Variants in STPG2 observed in about 807,000 individuals in gnomAD.
STPG2 encodes the protein sperm tail PG-rich repeat containing 2.
A neutral mutation model predicts 54.2 loss-of-function variants in STPG2; 56 were observed. The observed-to-expected ratio is 1.03, with a 90% CI of 0.83 to 1.29. The LOEUF (loss-of-function observed/expected upper bound fraction) is 1.29, where lower values mean the gene tolerates loss of function less well. Among genes scored for constraint, STPG2 ranks in the 50% most tolerant of loss-of-function variants. The pLI, the probability that STPG2 is intolerant of heterozygous loss-of-function variation, is 0.00. For synonymous variants in STPG2, 200 were observed against 181.8 expected (o/e 1.10, Z -0.81); for missense variants, 596 against 544.9 (o/e 1.09, Z -0.93).
At chr4:97,695,071 T>C (rs901236275) in intron 10 of STPG2, among the ~76,000 whole-genome samples, 1 of 130,352 alleles carries the variant, frequency 7.7e-6, no homozygotes, top group African/African-American at 2.7e-5. Flanking sequence ...CTGATGAAAA[T>C]AGATGCAAAA....
At chr4:97,965,142 C>T (rs1734047159) in intron 7 of STPG2, among the ~76,000 whole-genome samples, 1 of 152,224 alleles carries the variant, frequency 6.6e-6, no homozygotes, top group Admixed American at 6.5e-5. Flanking sequence ...AGCCCAAATA[C>T]TGTGCTTTTC....
At chr4:98,076,287 C>T (rs1044068628) in intron 5 of STPG2, among the ~76,000 whole-genome samples, 12 of 151,296 alleles carry the variant, frequency 7.9e-5, no homozygotes, top group African/African-American at 2.2e-4. Flanking sequence ...GAACCATCCA[C>T]GTAATCCAAT....
intron 10 of STPG2, among the ~76,000 whole-genome samples, chr4:97,625,551 G>A (rs1734117657): frequency 6.6e-6 from 1 of 152,108 alleles, no homozygotes; most frequent in South Asian, 2.1e-4. Flanking sequence ...CTGACCTCGG[G>A]ATCCGCCTGC....
chr4:97,847,449 T>C (rs1408431753), intron 8 of STPG2, among the ~76,000 whole-genome samples: 1 of 152,158 alleles, frequency 6.6e-6, no homozygotes, highest in African/African-American at 2.4e-5. Flanking sequence ...ATACTGACTT[T>C]ATTTCCATCT....
rs190744837 is a variant in STPG2 at position 97,587,891 on chromosome 4, C to T, written c.1321-28774G>A. Among the ~76,000 whole-genome samples the T allele has an allele frequency of 2.3e-3, 350 of 152,122 alleles. 3 individuals are homozygous for T. The Middle Eastern group carries it at 0.034, about 15-fold the overall frequency. On this transcript the variant is annotated intron_variant, in intron 10 of 10. Transcript: ENST00000295268. Reference sequence around the variant, plus strand: ...ATAGCTGTGGGCATCAGTGTATTTACAGGGATCCCTAAATAAAAATTAATT... The same window carrying T: ...ATAGCTGTGGGCATCAGTGTATTTATAGGGATCCCTAAATAAAAATTAATT...
chr4:97,454,680 A>C (rs1578311715), intron 4 of STPG2, among the ~76,000 whole-genome samples: 1 of 152,190 alleles, frequency 6.6e-6, no homozygotes, highest in South Asian at 2.1e-4. Flanking sequence ...TTAAAAAAAA[A>C]TCTGGAATAT....
chr4:97,568,153 G>A lies in STPG2; in HGVS notation c.1321-9036C>T, dbSNP rs1001562816. On this transcript the variant is annotated intron_variant, in intron 10 of 10. Transcript: ENST00000295268. The stretch of plus-strand genomic sequence containing the variant: ...AACATAAACAAAACTAATGCCCAGC[G>A]TTTGAACATACTTTAAAAAAAATTA... 5.3e-5 allele frequency among the ~76,000 whole-genome samples: 8 copies of A among 152,092 alleles called. No individual in the cohort carries two copies. In the East Asian group the frequency reaches 5.8e-4, roughly 11 times the overall value.
intron 9 of STPG2, among the ~76,000 whole-genome samples, chr4:97,718,109 G>C (rs1724345421): frequency 1.3e-5 from 2 of 151,992 alleles, no homozygotes; most frequent in South Asian, 4.1e-4. Context: ...ATTTAGCAAG[G>C]CATTCCCTCT....
chr4:97,484,507 A>G (rs547776486), intron 4 of STPG2, among the ~76,000 whole-genome samples: 1 of 151,866 alleles, frequency 6.6e-6, no homozygotes, highest in Non-Finnish European at 1.5e-5. Flanking sequence ...CCTAGCTTAA[A>G]TCAGGAAGAA....
intron 8 of STPG2, among the ~76,000 whole-genome samples, chr4:97,940,862 C>T (rs1391075118): frequency 1.5e-5 from 2 of 135,788 alleles, no homozygotes; most frequent in African/African-American, 2.8e-5. Context: ...GCTAAAATGA[C>T]TTCTTCATTA....
intron 4 of STPG2, among the ~76,000 whole-genome samples, chr4:97,458,642 C>T (rs1288775282): frequency 6.6e-6 from 1 of 152,034 alleles, no homozygotes; most frequent in Non-Finnish European, 1.5e-5. Context: ...GTGATTAATG[C>T]CTTTTCAAAG....
intron 3 of STPG2, among the ~76,000 whole-genome samples, chr4:98,118,456 T>C (rs1393085017): frequency 6.6e-6 from 1 of 152,148 alleles, no homozygotes; most frequent in Non-Finnish European, 1.5e-5. Flanking sequence ...GGTTTCTTAC[T>C]GTGGAAGTAG....
intron 5 of STPG2, among the ~76,000 whole-genome samples, chr4:98,078,512 C>T (rs186273172): frequency 1.1e-3 from 169 of 151,444 alleles, no homozygotes; most frequent in African/African-American, 3.9e-3. Context: ...TAAGTATATA[C>T]AAGTGGCTGG....
At chr4:97,588,823 G>A (rs777612793) in intron 10 of STPG2, among the ~76,000 whole-genome samples, 1 of 152,040 alleles carries the variant, frequency 6.6e-6, no homozygotes, top group Non-Finnish European at 1.5e-5. Context: ...AACAATTAAA[G>A]TATCCAAAAA....
intron 10 of STPG2, among the ~76,000 whole-genome samples, chr4:97,637,061 A>C: frequency 6.6e-6 from 1 of 152,254 alleles, no homozygotes; most frequent in Non-Finnish European, 1.5e-5. Context: ...TTAGAACAAT[A>C]TCCTTGATGA....
chr4:97,829,242 A>G (rs1728362812), intron 9 of STPG2, among the ~76,000 whole-genome samples: 1 of 152,118 alleles, frequency 6.6e-6, no homozygotes, highest in Non-Finnish European at 1.5e-5. Flanking sequence ...CAGGGTCTGG[A>G]GTAGAACTCC....
chr4:97,935,512 G>C (rs1732718595), intron 8 of STPG2, among the ~76,000 whole-genome samples: 1 of 152,120 alleles, frequency 6.6e-6, no homozygotes, highest in African/African-American at 2.4e-5. Context: ...TCTGATGTGG[G>C]CACTTAGTGC....
At chr4:97,443,418 T>C (rs1321280444) in intron 4 of STPG2, among the ~76,000 whole-genome samples, 1 of 152,182 alleles carries the variant, frequency 6.6e-6, no homozygotes, top group Non-Finnish European at 1.5e-5. Context: ...TGCTAAATTT[T>C]ATCTGGTATA....
At chr4:97,592,185 A>G (rs989774326) in intron 10 of STPG2, among the ~76,000 whole-genome samples, 8 of 152,114 alleles carry the variant, frequency 5.3e-5, no homozygotes, top group African/African-American at 1.9e-4. Flanking sequence ...TTTAATTACC[A>G]TACTGGGACT....
Sources: allele counts gnomAD v4.1 joint callset (sites outside exome capture counted in the v4.1 genomes callset), GRCh38; gene constraint gnomAD v4.1.1; transcripts MANE v1.5; gene names NCBI Gene and HGNC (gene_info 2026-07-23, HGNC 2026-07-21).